Variants in SRRT observed in about 807,000 individuals in gnomAD.
The protein encoded by SRRT is serrate RNA effector molecule homolog.
In SRRT, 32 loss-of-function variants were observed where a neutral mutation model predicts 103.2. The ratio of observed to expected loss-of-function variants is 0.31; its 90% confidence interval spans 0.23 to 0.42. SRRT has a LOEUF of 0.42. Ranked by LOEUF, SRRT falls within the 10% of genes least tolerant of loss-of-function variation. SRRT has a pLI of 1.00. For synonymous variants in SRRT, 525 were observed against 449.0 expected (o/e 1.17, Z -2.14); for missense variants, 986 against 1,207.5 (o/e 0.82, Z 2.72).
At chr7:100,886,113 C>G (rs1584755052) in intron 12 of SRRT, 134 bp from the exon 13 acceptor site, 2 of 1,247,668 alleles carry the variant, frequency 1.6e-6, no homozygotes, top group Admixed American at 2.2e-5. Context: ...TGGACGGAAC[C>G]TATGTGGTCC....
In SRRT at chr7:100,884,732, T is replaced by A. The variant is rs2115847957; in HGVS notation, c.943-8T>A. ...TTTGACATCCCCAGTGGTTGTCTCTTACCATAGGCTGAGAATGACAGTTCT... is the reference window on the plus strand; with the variant it reads ...TTTGACATCCCCAGTGGTTGTCTCTAACCATAGGCTGAGAATGACAGTTCT... On this transcript the variant is annotated splice_polypyrimidine_tract_variant and splice_region_variant and intron_variant, in intron 7 of 19. Coordinates refer to ENST00000611405, the MANE Select transcript of SRRT (RefSeq NM_015908.6). 6.2e-7 allele frequency: 1 copy of A among 1,613,450 alleles called. No homozygotes were observed.
intron 12 of SRRT, 131 bp from the exon 13 acceptor site, chr7:100,886,116 T>C (rs1790072513): frequency 5.7e-6 from 7 of 1,231,914 alleles, no homozygotes; most frequent in South Asian, 1.4e-5. Flanking sequence ...ACGGAACCTA[T>C]GTGGTCCCCG....
At position 100,886,241 on chromosome 7, in the gene SRRT, C is replaced by G; in HGVS notation, c.1459-6C>G. ...GGGTAAGCTGCTGATGATGTCTGCC[C>G]TCCAGCTCCGGGAGTGTGAGCTGAG... On this transcript the variant is annotated splice_region_variant and splice_polypyrimidine_tract_variant and intron_variant, in intron 12 of 19. Transcript: ENST00000611405. 6.2e-7 allele frequency: 1 copy of G among 1,608,956 alleles called. No individual in the cohort carries two copies.
Position 100,882,368 on chromosome 7 carries a change from T to A in SRRT, c.587+127T>A, listed in dbSNP as rs754806433. The A allele has an allele frequency of 1.5e-4, 161 of 1,060,918 alleles. No individual in the cohort carries two copies. Among genetic ancestry groups the A allele is most frequent in the Non-Finnish European group, 2.1e-4 (157 of 743,752 alleles). 65.7% of individuals were successfully genotyped at this position (1,060,918 alleles called of 1,614,324 possible). ...CTTTCTGGGGGCGGGGGTCGGGAAGTATGACAGCATTGGCTGATGGGGTCT... is the reference window on the plus strand; with the variant it reads ...CTTTCTGGGGGCGGGGGTCGGGAAGAATGACAGCATTGGCTGATGGGGTCT... On this transcript the variant is annotated intron_variant, in intron 5 of 19. Transcript: ENST00000611405. The surrounding 1 kb of genome is among the most constrained non-coding windows in gnomAD (Gnocchi z 4.2).
intron 2 of SRRT, among the ~76,000 whole-genome samples, chr7:100,876,478 T>A (rs1815722690): frequency 6.6e-6 from 1 of 152,228 alleles, no homozygotes; most frequent in South Asian, 2.1e-4. Flanking sequence ...AGACAGCGTC[T>A]TGCTCTGTTG....
At position 100,875,704 on chromosome 7, in the gene SRRT, G is replaced by T; in HGVS notation, c.114G>T (p.Trp38Cys). 1 of 1,613,910 alleles carries T rather than the reference G, an allele frequency of 6.2e-7. No homozygotes were observed. The highest frequency in any genetic ancestry group is 1.1e-5 in the South Asian group (1 of 91,068). Reference protein sequence around the residue: ...ERDERRRGDDWNDREWDRGRE... With the variant: ...ERDERRRGDDCNDREWDRGRE... The stretch of plus-strand genomic sequence containing the variant: ...ATGAAAGACGTCGAGGGGACGATTG[G>T]AATGACAGGTGAGCCGTTTTTAACT... The change falls in exon 2 of 20, where the codon TGG becomes TGT. Residue 38 changes from tryptophan (W) to cysteine (C), a missense_variant. By Grantham distance (215) the Trp-to-Cys change is radical. Coordinates refer to ENST00000611405, the MANE Select transcript of SRRT (RefSeq NM_015908.6).
At chr7:100,879,721 T>C (rs1338894112) in intron 2 of SRRT, among the ~76,000 whole-genome samples, 1 of 151,636 alleles carries the variant, frequency 6.6e-6, no homozygotes, top group Non-Finnish European at 1.5e-5. Context: ...GGCAGGAGAA[T>C]TGCTTGAGCC....
chr7:100,886,195 C>G, intron 12 of SRRT, 52 bp from the exon 13 acceptor site: 1 of 1,575,586 alleles, frequency 6.3e-7, no homozygotes, highest in Non-Finnish European at 8.6e-7. Context: ...GCTGCTGTTT[C>G]TCTGGCAAGC....
At chr7:100,886,129 C>T in intron 12 of SRRT, 118 bp from the exon 13 acceptor site, 1 of 1,315,738 alleles carries the variant, frequency 7.6e-7, no homozygotes, top group Non-Finnish European at 1.0e-6. Context: ...GGTCCCCGTC[C>T]CCAGGGAGCT....
At position 100,886,424 on chromosome 7, in the gene SRRT, C is replaced by T. The variant is rs765139403; in HGVS notation, c.1636C>T (p.Pro546Ser). The change falls in exon 13 of 20, where the codon CCC (proline) becomes TCC (serine). Residue 546 changes from proline (P) to serine (S), a missense_variant. By Grantham distance (74) the Pro-to-Ser change is moderately conservative. Coordinates refer to ENST00000611405, the MANE Select transcript of SRRT (RefSeq NM_015908.6). ...TTGGGCCTCAGAACCAGGGACGCCT[C>T]CCCTGCCCACGGTCAGTGACTCCCC... is the stretch of plus-strand genomic sequence containing the variant. Reference protein sequence around the residue: ...QLWASEPGTPPLPTSLPSQNP... With the variant: ...QLWASEPGTPSLPTSLPSQNP... 1 of 1,611,832 alleles carries T rather than the reference C, an allele frequency of 6.2e-7. No homozygotes were observed. Among genetic ancestry groups the T allele is most frequent in the Non-Finnish European group, 8.5e-7 (1 of 1,179,522 alleles).
rs1434789067 is a variant in SRRT, at chr7:100,882,615, C to T, written c.587+374C>T. The T allele has an allele frequency of 5.6e-6, 1 of 177,426 alleles. No homozygotes were observed. The highest frequency in any genetic ancestry group is 1.9e-4 in the South Asian group (1 of 5,158). 11.0% of individuals were successfully genotyped at this position (177,426 alleles called of 1,614,324 possible). A position where few individuals can be genotyped will look rare whatever the true frequency, so the allele number is the denominator to read the frequency against. The stretch of plus-strand genomic sequence containing the variant: ...TCCTAAAGCGACGAGTGAATCCAGA[C>T]AAGAAAAGCAAAGATCTCGGTCGTT... On this transcript the variant is annotated intron_variant, in intron 5 of 19. Coordinates refer to ENST00000611405, the MANE Select transcript of SRRT (RefSeq NM_015908.6). This position sits in a 1 kb window ranked among gnomAD's most constrained non-coding sequence, Gnocchi z 4.2.
chr7:100,881,192 A>G (rs1816281572), intron 2 of SRRT, 93 bp from the exon 3 acceptor site: 19 of 1,420,724 alleles, frequency 1.3e-5, no homozygotes, highest in African/African-American at 8.5e-5. Flanking sequence ...CCTGGCCTCA[A>G]GTGTTCTCTG....
chr7:100,877,828 G>C (rs1164362348), intron 2 of SRRT, among the ~76,000 whole-genome samples: 1 of 152,096 alleles, frequency 6.6e-6, no homozygotes, highest in African/African-American at 2.4e-5. Context: ...GCAAGAGTAC[G>C]CATGTGATTG....
Position 100,884,605 on chromosome 7 carries a change from C to T in SRRT, c.942+53C>T, listed in dbSNP as rs1361397685. 10 of 1,363,442 alleles carry T rather than the reference C, an allele frequency of 7.3e-6. No homozygotes were observed. In the Admixed American group the frequency reaches 7.9e-5, roughly 11 times the overall value. 84.5% of individuals were successfully genotyped at this position (1,363,442 alleles called of 1,614,324 possible). On this transcript the variant is annotated intron_variant, in intron 7 of 19. Coordinates refer to ENST00000611405, the MANE Select transcript of SRRT (RefSeq NM_015908.6). ...TCCCTGGCAGCCTGGGGGAGGGGGG[C>T]GGGTAGGGGTCCATAGGAGCTAGAA... is the stretch of plus-strand genomic sequence containing the variant.
rs1789953500 is a variant in SRRT at position 100,885,040 on chromosome 7, G to A, written c.1159G>A (p.Glu387Lys). 8.7e-6 allele frequency: 14 copies of A among 1,613,724 alleles called. No homozygotes were observed. The highest frequency in any genetic ancestry group is 1.7e-5 in the Admixed American group (1 of 59,994). ...GQAEEEKEEA[E>K]EALKEKEKPK... ...GGCTGAGGAGGAGAAGGAGGAGGCC[G>A]GTAGGGTTTCTTTTCTGCTTTAAAG... The change falls in exon 9 of 20, where the codon GAA becomes AAA. Residue 387 changes from glutamate to lysine, a missense_variant and splice_region_variant. Coordinates refer to ENST00000611405, the MANE Select transcript of SRRT (RefSeq NM_015908.6). This position sits in a 1 kb window ranked among gnomAD's most constrained non-coding sequence, Gnocchi z 4.8.
chr7:100,878,089 A>AT, intron 2 of SRRT, among the ~76,000 whole-genome samples: 1 of 152,244 alleles, frequency 6.6e-6, no homozygotes, highest in East Asian at 1.9e-4. Flanking sequence ...AGGTGGGTGG[A>AT]TTGCTTGAGC....
In SRRT at chr7:100,886,771, ACTTG is replaced by A. The variant is rs770551147; in HGVS notation, c.1648-20_1648-17del. ...CTCCTCTGAAGGTCTTCTCTGCCTT[ACTTG>A]CTTCTCTTCCTCCCATCAGAGCCTG... On this transcript the variant is annotated intron_variant, in intron 13 of 19. Coordinates refer to ENST00000611405, the MANE Select transcript of SRRT (RefSeq NM_015908.6). 4 of 1,613,406 alleles carry A rather than the reference ACTTG, an allele frequency of 2.5e-6. No individual in the cohort carries two copies. The highest frequency in any genetic ancestry group is 3.4e-6 in the Non-Finnish European group (4 of 1,179,716).
chr7:100,885,772 T>A lies in SRRT; in HGVS notation c.1379+10T>A, dbSNP rs577031910. On this transcript the variant is annotated intron_variant, in intron 11 of 19. Coordinates refer to ENST00000611405, the MANE Select transcript of SRRT (RefSeq NM_015908.6). The surrounding 1 kb of genome is among the most constrained non-coding windows in gnomAD (Gnocchi z 4.8). ...CCCAGCCAGAGAGGAGGTGAGTAAC[T>A]CGGTGCGTTGGAGGGAAAAGTGCAG... is the stretch of plus-strand genomic sequence containing the variant. 3 of 1,614,138 alleles carry A rather than the reference T, an allele frequency of 1.9e-6. 1 individual carries two copies. The East Asian group carries it at 6.7e-5, about 36-fold the overall frequency.
At chr7:100,884,675 TG>T in intron 7 of SRRT, 64 bp from the exon 8 acceptor site, 1 of 827,100 alleles carries the variant, frequency 1.2e-6, no homozygotes, top group Non-Finnish European at 1.8e-6. Context: ...GCTGTGGGGG[TG>T]GGGGCCCTCT....
Sources: allele counts gnomAD v4.1 joint callset (sites outside exome capture counted in the v4.1 genomes callset), GRCh38; gene constraint gnomAD v4.1.1; non-coding constraint Gnocchi (gnomAD v3.1); transcripts MANE v1.5; gene names NCBI Gene and HGNC (gene_info 2026-07-23, HGNC 2026-07-21).